GALNT13: variants seen among roughly 807,000 people sequenced by gnomAD.
The protein encoded by GALNT13 is polypeptide N-acetylgalactosaminyltransferase 13.
Under a neutral mutation model 64.2 loss-of-function variants are expected in GALNT13, and 28 were observed. The observed-to-expected ratio is 0.44, with a 90% CI of 0.32 to 0.60. The LOEUF (loss-of-function observed/expected upper bound fraction) is 0.60. GALNT13 is among the 20% of genes least tolerant of loss of function. GALNT13 has a pLI of 0.05. For missense variants in GALNT13, 577 were observed against 669.8 expected, an observed-to-expected ratio of 0.86 and a Z score of 1.53; for synonymous variants, 214 against 224.6, an observed-to-expected ratio of 0.95 and a Z score of 0.42.
chr2:154,189,272 G>A (rs889139095), intron 4 of GALNT13, among the ~76,000 whole-genome samples: 5 of 151,946 alleles, frequency 3.3e-5, no homozygotes, highest in Non-Finnish European at 7.4e-5. Context: ...TTTAAAAGTT[G>A]GATAATGTTA....
chr2:153,088,917 T>A, the GALNT13 span, among the ~76,000 whole-genome samples: 200 of 152,296 alleles, frequency 1.3e-3, no homozygotes, highest in African/African-American at 4.5e-3. Context: ...TGGATTTTTA[T>A]CCATTCTGCC....
At chr2:153,224,748 GATGAA>G in the GALNT13 span, among the ~76,000 whole-genome samples, 3 of 152,136 alleles carry the variant, frequency 2.0e-5, no homozygotes, top group South Asian at 6.2e-4. Flanking sequence ...TGATAACTTA[GATGAA>G]ATGAAGCAAT....
the GALNT13 span, among the ~76,000 whole-genome samples, chr2:153,385,450 A>G: frequency 0.82 from 124,123 of 151,982 alleles, 51,616 homozygotes; most frequent in African/African-American, 0.9. Context: ...GACAAACATC[A>G]CATGTTCTCA....
At chr2:153,959,950 T>C (rs1692829200) in intron 3 of GALNT13, among the ~76,000 whole-genome samples, 1 of 152,158 alleles carries the variant, frequency 6.6e-6, no homozygotes. Flanking sequence ...GTCTCACCGA[T>C]GGGCTCAGCT....
chr2:153,797,764 C>T, the GALNT13 span, among the ~76,000 whole-genome samples: 2 of 152,178 alleles, frequency 1.3e-5, no homozygotes, highest in African/African-American at 4.8e-5. Context: ...ACAGGCAGTG[C>T]AGAAGCCTGC....
the GALNT13 span, among the ~76,000 whole-genome samples, chr2:153,866,274 C>T: frequency 1.4e-5 from 2 of 138,466 alleles, no homozygotes; most frequent in Admixed American, 1.5e-4. Context: ...AACTAACCTG[C>T]ACAATGTGCA....
the GALNT13 span, among the ~76,000 whole-genome samples, chr2:153,306,732 C>T: frequency 6.6e-6 from 1 of 152,116 alleles, no homozygotes; most frequent in Admixed American, 6.6e-5. Flanking sequence ...CATAGGAGAT[C>T]GTGCTTTATT....
chr2:154,405,026 A>G (rs554137016), intron 10 of GALNT13, among the ~76,000 whole-genome samples: 1 of 152,286 alleles, frequency 6.6e-6, no homozygotes, highest in Non-Finnish European at 1.5e-5. Flanking sequence ...ATGTAAGAAA[A>G]AGATAGTAAG....
intron 8 of GALNT13, among the ~76,000 whole-genome samples, chr2:154,276,130 A>T (rs116704041): frequency 6.6e-6 from 1 of 152,084 alleles, no homozygotes; most frequent in African/African-American, 2.4e-5. Context: ...GGCAGAAAGG[A>T]CTTGCCTTGT....
chr2:154,281,232 C>A (rs546040115), intron 8 of GALNT13, among the ~76,000 whole-genome samples: 39 of 152,264 alleles, frequency 2.6e-4, no homozygotes, highest in Middle Eastern at 3.4e-3. Context: ...GCAGAACCAT[C>A]TTATATTATG....
chr2:153,978,335 A>T (rs889844946), intron 3 of GALNT13, among the ~76,000 whole-genome samples: 2 of 152,176 alleles, frequency 1.3e-5, no homozygotes, highest in African/African-American at 4.8e-5. Context: ...ACTTGCATTC[A>T]GCCTGGGTAT....
At chr2:153,443,286 C>T in the GALNT13 span, among the ~76,000 whole-genome samples, 3 of 152,134 alleles carry the variant, frequency 2.0e-5, no homozygotes, top group African/African-American at 2.4e-5. Flanking sequence ...TCACAGCTTC[C>T]GTTGGCTAAA....
At chr2:153,164,769 G>A in the GALNT13 span, among the ~76,000 whole-genome samples, 2 of 152,082 alleles carry the variant, frequency 1.3e-5, no homozygotes, top group African/African-American at 2.4e-5. Context: ...ATGTATAGCA[G>A]ATCTATAGAA....
At chr2:154,419,822 A>G (rs2105420603) in intron 11 of GALNT13, among the ~76,000 whole-genome samples, 1 of 152,318 alleles carries the variant, frequency 6.6e-6, no homozygotes, top group South Asian at 2.1e-4. Context: ...TGGAGAAGAC[A>G]GTGTCTAAGA....
chr2:153,657,028 GA>G, the GALNT13 span, among the ~76,000 whole-genome samples: 1 of 152,072 alleles, frequency 6.6e-6, no homozygotes, highest in African/African-American at 2.4e-5. Context: ...AGGAAATGGG[GA>G]AAAATGGAAA....
the GALNT13 span, among the ~76,000 whole-genome samples, chr2:153,718,218 A>T: frequency 6.6e-6 from 1 of 152,188 alleles, no homozygotes; most frequent in African/African-American, 2.4e-5. Context: ...AGCTAGGACC[A>T]TAAGAGAGAC....
the GALNT13 span, among the ~76,000 whole-genome samples, chr2:153,863,851 C>T: frequency 6.6e-6 from 1 of 152,060 alleles, no homozygotes; most frequent in Non-Finnish European, 1.5e-5. Flanking sequence ...GAGGTATGAC[C>T]ATATGGTATA....
At chr2:153,341,067 C>A in the GALNT13 span, among the ~76,000 whole-genome samples, 1 of 152,070 alleles carries the variant, frequency 6.6e-6, no homozygotes, top group African/African-American at 2.4e-5. Flanking sequence ...TTAAGAACCA[C>A]CAGTTTAGTA....
intron 9 of GALNT13, among the ~76,000 whole-genome samples, chr2:154,365,427 G>C (rs1025174529): frequency 6.6e-6 from 1 of 152,134 alleles, no homozygotes; most frequent in African/African-American, 2.4e-5. Flanking sequence ...TTTAAAAAGA[G>C]AATGAAAAAC....
Sources: allele counts gnomAD v4.1 joint callset (sites outside exome capture counted in the v4.1 genomes callset), GRCh38; gene constraint gnomAD v4.1.1; transcripts MANE v1.5; gene names NCBI Gene and HGNC (gene_info 2026-07-23, HGNC 2026-07-21).